The following ZNF112 variants were observed in gnomAD, a reference collection of about 807,000 sequenced individuals.
ZNF112 encodes zinc finger protein 112 (Y14).
Under a neutral mutation model 77.7 loss-of-function variants are expected in ZNF112, and 37 were observed. The observed-to-expected ratio is 0.48, with a 90% CI of 0.37 to 0.63. The LOEUF is 0.63. ZNF112 is among the 20% of genes least tolerant of loss of function. The pLI is 0.00. For missense variants in ZNF112, 950 were observed against 1,077.4 expected (o/e 0.88, Z 1.66); for synonymous variants, 333 against 363.6 (o/e 0.92, Z 0.96).
chr19:44,336,836 G>T, intron 2 of ZNF112, 118 bp from the exon 3 acceptor site: 4 of 710,200 alleles, frequency 5.6e-6, no homozygotes, highest in South Asian at 1.8e-5. Flanking sequence ...CTTCCACCCT[G>T]TTACCTTCCA....
intron 2 of ZNF112, among the ~76,000 whole-genome samples, chr19:44,337,276 T>C (rs190353203): frequency 7.2e-6 from 1 of 138,938 alleles, no homozygotes. Flanking sequence ...ATATATATTA[T>C]ATATATTTCA....
At chr19:44,330,171 T>C (rs1970244296) in intron 3 of ZNF112, among the ~76,000 whole-genome samples, 1 of 152,190 alleles carries the variant, frequency 6.6e-6, no homozygotes, top group Non-Finnish European at 1.5e-5. Context: ...ACTTTTTTAA[T>C]GTTCTACATG....
Position 44,327,748 on chromosome 19 carries a change from C to A in ZNF112, c.2409G>T (p.Gln803His). ...AATACCCACTGAAACCCTTACCACA[C>A]TGTTCACATTTATAGGGTCTCCCTT... ...HVEGRPYKCE[Q>H]CGKGFSGYSS... is the part of the protein sequence containing the mutation. The change falls in exon 4 of 4, where the codon CAG (glutamine) becomes CAT (histidine). Residue 803 changes from glutamine to histidine, a missense_variant. Physicochemically the swap from Gln to His is conservative, Grantham distance 24 (BLOSUM62 0). Around this residue, in one of 3 missense-constraint regions of ZNF112, gnomAD observed 373 missense variants for 482.8 expected, o/e 0.77. Coordinates refer to ENST00000354340, the MANE Select transcript of ZNF112 (RefSeq NM_013380.4). 1 of 1,613,946 alleles carries A rather than the reference C, an allele frequency of 6.2e-7. No individual in the cohort carries two copies. The highest frequency in any genetic ancestry group is 8.5e-7 in the Non-Finnish European group (1 of 1,179,962).
At chr19:44,336,072 A>T (rs1970360125) in intron 3 of ZNF112, among the ~76,000 whole-genome samples, 1 of 152,230 alleles carries the variant, frequency 6.6e-6, no homozygotes, top group South Asian at 2.1e-4. Flanking sequence ...AAGACCAGTT[A>T]TAATGTTGGC....
In ZNF112 at chr19:44,347,485, A is replaced by ATTTT. The variant is rs757226424; in HGVS notation, c.-3-6947_-3-6944dup. Among the ~76,000 whole-genome samples the ATTTT allele has an allele frequency of 3.4e-3, 135 of 40,286 alleles. 3 individuals carry two copies. Among genetic ancestry groups the ATTTT allele is most frequent in the African/African-American group, 7.8e-3 (108 of 13,918 alleles). 26.4% of individuals were successfully genotyped at this position (40,286 alleles called of 152,430 possible). On this transcript the variant is annotated intron_variant, in intron 1 of 3. Transcript: ENST00000354340. ...CCTTTTTCTGCCTTCTTTTGGGTTG[A>ATTTT]TTTTTTTTTTTTTTTTTTTTTACTA...
rs1970373600 is a variant in ZNF112 at position 44,336,673 on chromosome 19, T to C, written c.170A>G (p.Glu57Gly). ...KPDLISQLER[E>G]EKLLMVETET... ...TGTCTCCACCATCAAAAGCTTTTCT[T>C]CTCTCTCCAGCTGGGATATTAGGTC... Residue 57 changes from glutamate (E) to glycine (G), a missense_variant, in exon 3 of 4, where the codon GAA (glutamate) becomes GGA (glycine). Physicochemically the swap from Glu to Gly is moderately conservative, Grantham distance 98. Coordinates refer to ENST00000354340, the MANE Select transcript of ZNF112 (RefSeq NM_013380.4). The C allele has an allele frequency of 1.9e-6, 3 of 1,613,896 alleles. No homozygotes were observed. The highest frequency in any genetic ancestry group is 1.7e-5 in the Admixed American group (1 of 59,998).
intron 1 of ZNF112, among the ~76,000 whole-genome samples, chr19:44,346,411 T>C (rs560845310): frequency 1.3e-5 from 2 of 152,352 alleles, no homozygotes; most frequent in East Asian, 1.9e-4. Context: ...GTTACTACCA[T>C]CTTCATTATC....
chr19:44,352,475 T>A (rs1970710847), intron 1 of ZNF112, among the ~76,000 whole-genome samples: 1 of 152,046 alleles, frequency 6.6e-6, no homozygotes, highest in African/African-American at 2.4e-5. Context: ...ACATAACTAT[T>A]CAACACTGTA....
upstream of ZNF112, among the ~76,000 whole-genome samples, chr19:44,360,100 C>CA (rs56320020): frequency 8.1e-3 from 1,200 of 149,024 alleles, 12 homozygotes; most frequent in African/African-American, 0.024. Flanking sequence ...ACTAAAAATA[C>CA]AAAAAAAAAG....
In ZNF112 at chr19:44,329,465, C is replaced by A. The variant is rs1390429264; in HGVS notation, c.692G>T (p.Gly231Val). Residue 231 changes from glycine (G) to valine (V), a missense_variant, in exon 4 of 4, where the codon GGA becomes GTA. By Grantham distance (109) the Gly-to-Val change is moderately radical. Transcript: ENST00000354340. ...TAATGATACCTTCATGATATCTTCTCCACAGTCATGGCAGCTGTAGTTTTC... is the reference window on the plus strand; with the variant it reads ...TAATGATACCTTCATGATATCTTCTACACAGTCATGGCAGCTGTAGTTTTC... ...RKENYSCHDCGEDIMKVSLLN... is the reference protein window; with the variant it reads ...RKENYSCHDCVEDIMKVSLLN... 2 of 1,614,118 alleles carry A rather than the reference C, an allele frequency of 1.2e-6. No homozygotes were observed. The highest frequency in any genetic ancestry group is 8.5e-7 in the Non-Finnish European group (1 of 1,180,006).
rs1970206602 is a variant in ZNF112 at position 44,329,075 on chromosome 19, G to C, written c.1082C>G (p.Ala361Gly). Residue 361 changes from alanine to glycine, a missense_variant, in exon 4 of 4, where the codon GCC becomes GGC. Ala to Gly is a moderately conservative substitution (Grantham distance 60). Transcript: ENST00000354340. ...MSYRHNIYEK[A>G]FSHSLDLNSI... The stretch of plus-strand genomic sequence containing the variant: ...ATTAAGGTCTAAGCTATGACTGAAG[G>C]CTTTCTCATAAATGTTGTGCCTATA... The C allele has an allele frequency of 6.2e-7, 1 of 1,613,866 alleles. No individual in the cohort carries two copies. The highest frequency in any genetic ancestry group is 8.5e-7 in the Non-Finnish European group (1 of 1,179,968).
At chr19:44,355,822 G>C (rs146437406) in intron 1 of ZNF112, among the ~76,000 whole-genome samples, 97 of 152,252 alleles carry the variant, frequency 6.4e-4, no homozygotes, top group African/African-American at 2.2e-3. Context: ...AAATATCAGC[G>C]CATCTTCGAG....
upstream of ZNF112, among the ~76,000 whole-genome samples, chr19:44,359,161 A>C (rs1221529616): frequency 6.6e-6 from 1 of 152,148 alleles, no homozygotes; most frequent in East Asian, 1.9e-4. Context: ...ACCTCTCCTC[A>C]GAGGTCTGAG....
chr19:44,329,026 C>T lies in ZNF112; in HGVS notation c.1131G>A (p.Arg377=). ...TTTCCTCATATTCATGGGGTTCATC[C>T]CTAGTATGGACCCTAAAAATACTAT... The part of the protein sequence containing the change: ...DLNSIFRVHT[R]DEPHEYEENE... Residue 377 remains arginine, a synonymous_variant, in exon 4 of 4, where the codon AGG becomes AGA. Coordinates refer to ENST00000354340, the MANE Select transcript of ZNF112 (RefSeq NM_013380.4). The T allele has an allele frequency of 1.2e-6, 2 of 1,613,804 alleles. No individual in the cohort carries two copies.
In ZNF112 at chr19:44,340,328, T is replaced by C. The variant is rs904160830; in HGVS notation, c.124+88A>G. 35 of 1,534,712 alleles carry C rather than the reference T, an allele frequency of 2.3e-5. No individual in the cohort carries two copies. In the African/African-American group the frequency reaches 4.6e-4, roughly 20 times the overall value. Reference sequence around the variant, plus strand: ...TCGGGCACCTAATCTCAGAGAATAATTTCAGGGGCTTCAGAGTTTCTAACA... The same window carrying C: ...TCGGGCACCTAATCTCAGAGAATAACTTCAGGGGCTTCAGAGTTTCTAACA... On this transcript the variant is annotated intron_variant, in intron 2 of 3. Transcript: ENST00000354340.
At chr19:44,366,354 G>A (rs1970904289) in intron 1 of ZNF112, among the ~76,000 whole-genome samples, 1 of 151,968 alleles carries the variant, frequency 6.6e-6, no homozygotes, top group Admixed American at 6.5e-5. Context: ...AGTATAAGGA[G>A]GGGATCTTCT....
At chr19:44,353,999 A>C (rs1970738937) in intron 1 of ZNF112, among the ~76,000 whole-genome samples, 2 of 152,194 alleles carry the variant, frequency 1.3e-5, no homozygotes, top group African/African-American at 4.8e-5. Context: ...ACTGTGATAC[A>C]TCCATAAAGT....
At chr19:44,354,354 G>A (rs1435233697) in intron 1 of ZNF112, among the ~76,000 whole-genome samples, 1 of 152,070 alleles carries the variant, frequency 6.6e-6, no homozygotes, top group Non-Finnish European at 1.5e-5. Context: ...AATAGTCAAT[G>A]TCACTGTAAA....
intron 3 of ZNF112, among the ~76,000 whole-genome samples, chr19:44,332,588 C>T (rs10416035): frequency 0.021 from 3,128 of 152,260 alleles, 112 homozygotes; most frequent in African/African-American, 0.071. Flanking sequence ...TTATAAAAAA[C>T]ACTCAATATA....
Sources: gnomAD v4.1 joint callset for allele counts (sites outside exome capture counted in the v4.1 genomes callset) on GRCh38, gnomAD v4.1.1 for gene constraint, gnomAD v4.1.1 regional missense constraint, MANE v1.5 for transcripts, NCBI Gene and HGNC (gene_info 2026-07-23, HGNC 2026-07-21) for gene names.